The following NAALADL2 variants were observed in gnomAD, a reference collection of about 807,000 sequenced individuals.
The protein encoded by NAALADL2 is inactive N-acetylated-alpha-linked acidic dipeptidase-like protein 2.
A neutral mutation model predicts 87.2 loss-of-function variants in NAALADL2; 76 were observed. That is an observed-to-expected ratio of 0.87 (90% CI 0.72 to 1.05). The LOEUF (loss-of-function observed/expected upper bound fraction) is 1.05, where lower values mean the gene tolerates loss of function less well. NAALADL2 is among the 50% of genes least tolerant of loss of function. The pLI is 0.00. For missense variants in NAALADL2, 1,089 were observed against 945.8 expected, an observed-to-expected ratio of 1.15 and a Z score of -1.99; for synonymous variants, 354 against 331.0, an observed-to-expected ratio of 1.07 and a Z score of -0.75.
chr3:175,508,722 AATAGC>A (rs1730702630), intron 9 of NAALADL2, among the ~76,000 whole-genome samples: 1 of 152,096 alleles, frequency 6.6e-6, no homozygotes, highest in African/African-American at 2.4e-5. Flanking sequence ...CAGACCTCTT[AATAGC>A]TTATTTACAT....
chr3:175,385,437 T>A (rs1192192722), intron 5 of NAALADL2, among the ~76,000 whole-genome samples: 2 of 152,036 alleles, frequency 1.3e-5, no homozygotes, highest in East Asian at 1.9e-4. Context: ...TGTCGGCAAG[T>A]GAAAGATAGC....
In NAALADL2 at chr3:175,545,523, C is replaced by A. The variant is rs6795402; in HGVS notation, c.1654-30518C>A. ...TTTGTTGTGTTTGCAGACACTTTCC[C>A]CCTTGAATAATATTGTTGGTTCTGT... On this transcript the variant is annotated intron_variant, in intron 9 of 13. Transcript: ENST00000454872. Among the ~76,000 whole-genome samples, 1,346 of 151,948 alleles carry A rather than the reference C, an allele frequency of 8.9e-3. 25 individuals carry two copies. The highest frequency in any genetic ancestry group is 0.031 in the African/African-American group (1,277 of 41,434).
intron 1 of NAALADL2, among the ~76,000 whole-genome samples, chr3:174,986,688 T>C (rs112775272): frequency 0.02 from 3,106 of 152,254 alleles, 101 homozygotes; most frequent in African/African-American, 0.071. Flanking sequence ...TGCTGATTAA[T>C]TCCTGAAACT....
chr3:175,328,011 T>A (rs549778451), intron 5 of NAALADL2, among the ~76,000 whole-genome samples: 1 of 152,332 alleles, frequency 6.6e-6, no homozygotes, highest in Non-Finnish European at 1.5e-5. Context: ...CCTGCAGTTT[T>A]GTGAGAAAAG....
chr3:175,695,456 A>G (rs1387473333), intron 11 of NAALADL2, among the ~76,000 whole-genome samples: 1 of 152,086 alleles, frequency 6.6e-6, no homozygotes, highest in African/African-American at 2.4e-5. Context: ...TATTTTTCCA[A>G]CGTCTGTTGT....
chr3:174,559,243 G>T (rs867842116), intron 2 of NAALADL2, among the ~76,000 whole-genome samples: 1 of 152,004 alleles, frequency 6.6e-6, no homozygotes, highest in Admixed American at 6.6e-5. Flanking sequence ...CAATTAATAG[G>T]GACTTACAAA....
intron 2 of NAALADL2, among the ~76,000 whole-genome samples, chr3:174,651,307 T>C (rs1362938981): frequency 6.6e-6 from 1 of 152,202 alleles, no homozygotes; most frequent in African/African-American, 2.4e-5. Flanking sequence ...TTTAGAAAGT[T>C]AACAATTGAG....
At chr3:174,639,134 C>T (rs1341633271) in intron 2 of NAALADL2, among the ~76,000 whole-genome samples, 1 of 152,164 alleles carries the variant, frequency 6.6e-6, no homozygotes, top group Non-Finnish European at 1.5e-5. Context: ...GCACCTTTGA[C>T]TTACTCAACT....
At chr3:175,798,723 A>G (rs1753793988) in intron 13 of NAALADL2, among the ~76,000 whole-genome samples, 1 of 152,042 alleles carries the variant, frequency 6.6e-6, no homozygotes, top group Non-Finnish European at 1.5e-5. Context: ...TTATTCTTCT[A>G]CATTATACCT....
chr3:175,125,448 T>C lies in NAALADL2; in HGVS notation c.545+28157T>C, dbSNP rs138279664. Among the ~76,000 whole-genome samples the C allele has an allele frequency of 1.6e-4, 24 of 152,130 alleles. No homozygotes were observed. The East Asian group carries it at 4.3e-3, about 27-fold the overall frequency. On this transcript the variant is annotated intron_variant, in intron 2 of 13. Coordinates refer to ENST00000454872, the MANE Select transcript of NAALADL2 (RefSeq NM_207015.3). ...GGGAGCCCTATTGCACTAATCCAGA[T>C]GGTAGATGATGGTGGCTTGTACCAG... is the stretch of plus-strand genomic sequence containing the variant.
In NAALADL2 at chr3:175,737,714, GTTTTTTTTTTTTTTTT is replaced by G. The variant is rs71164650; in HGVS notation, c.1990+330_1990+345del. The stretch of plus-strand genomic sequence containing the variant: ...TAGAATAATACAGTTCAATGATCCA[GTTTTTTTTTTTTTTTT>G]TTTTTTTTTTTTTTAACATTCTAAC... On this transcript the variant is annotated intron_variant, in intron 12 of 13. Transcript: ENST00000454872. Among the ~76,000 whole-genome samples, 193 of 54,774 alleles carry G rather than the reference GTTTTTTTTTTTTTTTT, an allele frequency of 3.5e-3. 3 individuals carry two copies. Among genetic ancestry groups the G allele is most frequent in the African/African-American group, 0.014 (176 of 12,172 alleles). The allele number at this position is 54,774 out of a possible 152,430, so 35.9% of individuals were successfully genotyped here.
rs959013979 is a variant in NAALADL2 at position 175,617,647 on chromosome 3, G to T, written c.1801-9644G>T. On this transcript the variant is annotated intron_variant, in intron 10 of 13. Transcript: ENST00000454872. ...CCCAACCCTATTCTAAAAGACTAACGTGGCCACTTTCAGAGCACTATCTGG... is the reference window on the plus strand; with the variant it reads ...CCCAACCCTATTCTAAAAGACTAACTTGGCCACTTTCAGAGCACTATCTGG... Among the ~76,000 whole-genome samples, 6 of 152,092 alleles carry T rather than the reference G, an allele frequency of 3.9e-5. No individual in the cohort carries two copies. In the East Asian group the frequency reaches 7.7e-4, roughly 20 times the overall value.
At chr3:174,752,505 A>G (rs1358842219) in intron 3 of NAALADL2, among the ~76,000 whole-genome samples, 3 of 152,018 alleles carry the variant, frequency 2.0e-5, no homozygotes, top group Non-Finnish European at 4.4e-5. Context: ...TTACTCTTAA[A>G]TTAACTCTGT....
intron 1 of NAALADL2, among the ~76,000 whole-genome samples, chr3:175,063,708 C>G (rs1354463245): frequency 2.0e-5 from 3 of 151,824 alleles, no homozygotes; most frequent in Non-Finnish European, 4.4e-5. Context: ...GTCTCAAACT[C>G]TTAGGCTAAA....
rs142955464 is a variant in NAALADL2, at chr3:175,639,779, C to T, written c.1896+12393C>T. Among the ~76,000 whole-genome samples, 637 of 152,246 alleles carry T rather than the reference C, an allele frequency of 4.2e-3. 5 individuals are homozygous for T. Among genetic ancestry groups the T allele is most frequent in the African/African-American group, 0.014 (592 of 41,546 alleles). On this transcript the variant is annotated intron_variant, in intron 11 of 13. Coordinates refer to ENST00000454872, the MANE Select transcript of NAALADL2 (RefSeq NM_207015.3). ...AAATCCTGAATAGGAACATTTTCTA[C>T]GGTTACAGTGGGTACTTTAACTTCC...
At chr3:175,409,574 G>T (rs186314861) in intron 5 of NAALADL2, among the ~76,000 whole-genome samples, 56 of 151,770 alleles carry the variant, frequency 3.7e-4, no homozygotes, top group East Asian at 7.7e-4. Context: ...AGAAATCTAG[G>T]TGTAATTTAT....
At chr3:174,801,322 G>C (rs911021958) in intron 3 of NAALADL2, among the ~76,000 whole-genome samples, 1 of 152,188 alleles carries the variant, frequency 6.6e-6, no homozygotes, top group Non-Finnish European at 1.5e-5. Context: ...CATGAGATCT[G>C]ATGGTTTGAT....
chr3:175,449,636 G>A (rs1025209046), intron 6 of NAALADL2, among the ~76,000 whole-genome samples: 7 of 150,550 alleles, frequency 4.6e-5, no homozygotes, highest in East Asian at 2.0e-4. Flanking sequence ...CTCGTGATCC[G>A]CCCACCTCGG....
intron 2 of NAALADL2, among the ~76,000 whole-genome samples, chr3:174,725,826 A>T (rs1258966314): frequency 1.3e-5 from 2 of 152,208 alleles, no homozygotes; most frequent in African/African-American, 4.8e-5. Flanking sequence ...ACCTAAAGCC[A>T]CAGTGAAGAT....
Sources: gnomAD v4.1 joint callset for allele counts (sites outside exome capture counted in the v4.1 genomes callset) on GRCh38, gnomAD v4.1.1 for gene constraint, MANE v1.5 for transcripts, NCBI Gene and HGNC (gene_info 2026-07-23, HGNC 2026-07-21) for gene names.